The following PPARGC1A variants were observed in gnomAD, a reference collection of about 807,000 sequenced individuals.
The protein encoded by PPARGC1A is PPARG coactivator 1 alpha.
Under a neutral mutation model 88.7 loss-of-function variants are expected in PPARGC1A, and 25 were observed. The observed-to-expected ratio is 0.28, with a 90% CI of 0.21 to 0.39. The LOEUF is 0.39. PPARGC1A is among the 10% of genes least tolerant of loss of function. PPARGC1A has a pLI of 1.00. For synonymous variants in PPARGC1A, 363 were observed against 355.6 expected, an observed-to-expected ratio of 1.02 and a Z score of -0.24; for missense variants, 880 against 968.7, an observed-to-expected ratio of 0.91 and a Z score of 1.22.
At chr4:24,044,392 A>G in the PPARGC1A span, among the ~76,000 whole-genome samples, 1 of 152,200 alleles carries the variant, frequency 6.6e-6, no homozygotes, top group Admixed American at 6.5e-5. Context: ...GATGCCTGCA[A>G]GCACAGCAAA....
At chr4:23,918,551 TA>T in the PPARGC1A span, among the ~76,000 whole-genome samples, 1 of 152,144 alleles carries the variant, frequency 6.6e-6, no homozygotes, top group African/African-American at 2.4e-5. Context: ...CGATTATACA[TA>T]AACATTTTGG....
intron 1 of PPARGC1A, among the ~76,000 whole-genome samples, chr4:23,898,436 A>G (rs1225221276): frequency 6.6e-6 from 1 of 152,176 alleles, no homozygotes; most frequent in Non-Finnish European, 1.5e-5. Flanking sequence ...TAACTTCTCT[A>G]CCAGAAATTA....
chr4:24,094,800 A>G, the PPARGC1A span, among the ~76,000 whole-genome samples: 5 of 147,560 alleles, frequency 3.4e-5, no homozygotes, highest in African/African-American at 1.2e-4. Flanking sequence ...ATCAAGCACT[A>G]AAAAAAAAAG....
chr4:24,031,423 G>T, the PPARGC1A span, among the ~76,000 whole-genome samples: 1 of 152,128 alleles, frequency 6.6e-6, no homozygotes, highest in African/African-American at 2.4e-5. Context: ...GGAAGCGAAG[G>T]CTTTTGAATA....
chr4:24,405,832 A>C, the PPARGC1A span, among the ~76,000 whole-genome samples: 1 of 152,066 alleles, frequency 6.6e-6, no homozygotes, highest in African/African-American at 2.4e-5. Flanking sequence ...AGGCTTCTAC[A>C]TGTTTTCTTC....
the PPARGC1A span, among the ~76,000 whole-genome samples, chr4:24,047,230 G>A: frequency 2.5e-3 from 381 of 152,170 alleles, 2 homozygotes; most frequent in African/African-American, 9.0e-3. Flanking sequence ...GTCCCTATTT[G>A]CCTGATTTAT....
At chr4:23,993,128 T>C in the PPARGC1A span, among the ~76,000 whole-genome samples, 1 of 152,062 alleles carries the variant, frequency 6.6e-6, no homozygotes, top group Non-Finnish European at 1.5e-5. Flanking sequence ...TCTGTGCACA[T>C]AGTAATAAGA....
the PPARGC1A span, among the ~76,000 whole-genome samples, chr4:24,404,604 G>C: frequency 1.1e-4 from 16 of 152,278 alleles, no homozygotes; most frequent in Middle Eastern, 6.8e-3. Flanking sequence ...TCTCTCAGCA[G>C]AGGGGGCAAC....
the PPARGC1A span, among the ~76,000 whole-genome samples, chr4:23,932,337 C>T: frequency 0.68 from 103,011 of 151,930 alleles, 35,795 homozygotes; most frequent in Non-Finnish European, 0.76. Context: ...CCATCCTCCT[C>T]CTGCCTCCAG....
the PPARGC1A span, among the ~76,000 whole-genome samples, chr4:24,097,966 G>A: frequency 4.6e-5 from 7 of 151,926 alleles, no homozygotes; most frequent in African/African-American, 7.3e-5. Flanking sequence ...CATTTGTCCC[G>A]GTCCTGTTAT....
the PPARGC1A span, among the ~76,000 whole-genome samples, chr4:24,140,595 T>C: frequency 0.4 from 60,078 of 152,078 alleles, 14,288 homozygotes; most frequent in African/African-American, 0.67. Context: ...CCAGGACTTG[T>C]GTGCAAGGAA....
chr4:24,070,029 T>C, the PPARGC1A span, among the ~76,000 whole-genome samples: 1 of 152,182 alleles, frequency 6.6e-6, no homozygotes, highest in South Asian at 2.1e-4. Context: ...CACTTTGCCA[T>C]CTGCATCAGG....
At chr4:24,268,127 G>A in the PPARGC1A span, among the ~76,000 whole-genome samples, 1 of 152,150 alleles carries the variant, frequency 6.6e-6, no homozygotes, top group Non-Finnish European at 1.5e-5. Flanking sequence ...ACATGGCATG[G>A]ATCCATGTCA....
the PPARGC1A span, among the ~76,000 whole-genome samples, chr4:23,943,563 C>A: frequency 3.3e-5 from 5 of 152,024 alleles, no homozygotes; most frequent in Non-Finnish European, 7.4e-5. Context: ...TTGGGTGAAT[C>A]GGTTGTGGAA....
At chr4:24,286,864 T>A in the PPARGC1A span, among the ~76,000 whole-genome samples, 1 of 152,050 alleles carries the variant, frequency 6.6e-6, no homozygotes, top group South Asian at 2.1e-4. Flanking sequence ...GCTACAGTCA[T>A]CTCAAGGTTG....
the PPARGC1A span, among the ~76,000 whole-genome samples, chr4:24,288,468 G>C: frequency 6.6e-6 from 1 of 152,160 alleles, no homozygotes; most frequent in African/African-American, 2.4e-5. Context: ...GTAGTCCCAG[G>C]AATAACTATG....
At chr4:24,306,109 G>T in the PPARGC1A span, among the ~76,000 whole-genome samples, 1 of 152,154 alleles carries the variant, frequency 6.6e-6, no homozygotes, top group African/African-American at 2.4e-5. Flanking sequence ...TCCAGGAGCA[G>T]ATTCCGGATG....
the PPARGC1A span, among the ~76,000 whole-genome samples, chr4:24,294,731 G>A: frequency 2.0e-5 from 3 of 152,194 alleles, no homozygotes; most frequent in Non-Finnish European, 4.4e-5. Context: ...TCCTTTGAAA[G>A]ATAAGAAGCC....
At chr4:24,432,621 C>T in the PPARGC1A span, among the ~76,000 whole-genome samples, 1 of 152,204 alleles carries the variant, frequency 6.6e-6, no homozygotes, top group Non-Finnish European at 1.5e-5. Flanking sequence ...GGAAGAAAGC[C>T]TCCCTTTCTT....
Sources: allele counts gnomAD v4.1 joint callset (sites outside exome capture counted in the v4.1 genomes callset), GRCh38; gene constraint gnomAD v4.1.1; transcripts MANE v1.5; gene names NCBI Gene and HGNC (gene_info 2026-07-23, HGNC 2026-07-21).